Variants in PXDNL observed in about 807,000 individuals in gnomAD.
PXDNL encodes the protein probable oxidoreductase PXDNL.
A neutral mutation model predicts 150.8 loss-of-function variants in PXDNL; 145 were observed. The observed-to-expected ratio is 0.96, with a 90% CI of 0.84 to 1.10. The LOEUF is 1.10. PXDNL is among the 50% of genes least tolerant of loss of function. The pLI, the probability that PXDNL is intolerant of heterozygous loss-of-function variation, is 0.00. For missense variants in PXDNL, 2,087 were observed against 1,873.9 expected (o/e 1.11, Z -2.10); for synonymous variants, 757 against 725.7 (o/e 1.04, Z -0.69).
At chr8:51,767,091 T>G (rs2037239990) in intron 1 of PXDNL, among the ~76,000 whole-genome samples, 2 of 152,166 alleles carry the variant, frequency 1.3e-5, no homozygotes, top group Non-Finnish European at 2.9e-5. Context: ...TCTTTAGATA[T>G]AATTTCCTTT....
At chr8:51,584,183 G>C (rs78546733) in intron 3 of PXDNL, among the ~76,000 whole-genome samples, 1 of 152,126 alleles carries the variant, frequency 6.6e-6, no homozygotes, top group African/African-American at 2.4e-5. Context: ...ATGACAATCA[G>C]GATGCTTGAT....
At chr8:51,649,386 T>C (rs1191700815) in intron 2 of PXDNL, among the ~76,000 whole-genome samples, 1 of 152,234 alleles carries the variant, frequency 6.6e-6, no homozygotes, top group Non-Finnish European at 1.5e-5. Flanking sequence ...TAACCTGTAA[T>C]TATAACAATT....
chr8:51,532,023 G>A lies in PXDNL; in HGVS notation c.380+24817C>T, dbSNP rs148259080. On this transcript the variant is annotated intron_variant, in intron 4 of 22. Transcript: ENST00000356297. Reference sequence around the variant, plus strand: ...ATTTTGCTACAACAGCTTGCAAATCGTTGTGATGGCTTCTTGTGTAGATCA... The same window carrying A: ...ATTTTGCTACAACAGCTTGCAAATCATTGTGATGGCTTCTTGTGTAGATCA... Among the ~76,000 whole-genome samples, 12 of 152,196 alleles carry A rather than the reference G, an allele frequency of 7.9e-5. No homozygotes were observed. In the East Asian group the frequency reaches 1.7e-3, roughly 22 times the overall value.
At chr8:51,667,507 A>G (rs2130823233) in intron 1 of PXDNL, among the ~76,000 whole-genome samples, 1 of 152,244 alleles carries the variant, frequency 6.6e-6, no homozygotes, top group African/African-American at 2.4e-5. Flanking sequence ...TTCTTCACCA[A>G]TTTGATATTT....
intron 2 of PXDNL, among the ~76,000 whole-genome samples, chr8:51,596,780 AG>A (rs1368429721): frequency 6.6e-6 from 1 of 151,986 alleles, no homozygotes; most frequent in Admixed American, 6.6e-5. Flanking sequence ...CAATTGTTTA[AG>A]TTCCTTAAAG....
chr8:51,695,190 C>T (rs1816089034), intron 1 of PXDNL, among the ~76,000 whole-genome samples: 1 of 152,122 alleles, frequency 6.6e-6, no homozygotes, highest in South Asian at 2.1e-4. Context: ...ATCATAGTTC[C>T]CTTTACTTCC....
chr8:51,760,924 TCTCAG>T (rs1585729561), intron 1 of PXDNL, among the ~76,000 whole-genome samples: 1 of 132,594 alleles, frequency 7.5e-6, no homozygotes, highest in East Asian at 2.5e-4. Context: ...AGTGGCGCGA[TCTCAG>T]CTCACTGCAA....
At chr8:51,547,695 GC>G (rs1432098492) in intron 4 of PXDNL, among the ~76,000 whole-genome samples, 2 of 152,146 alleles carry the variant, frequency 1.3e-5, no homozygotes, top group Non-Finnish European at 2.9e-5. Context: ...CTGAACAGCA[GC>G]CCTTGAGTCC....
intron 12 of PXDNL, among the ~76,000 whole-genome samples, chr8:51,437,627 A>G (rs1809438915): frequency 6.6e-6 from 1 of 152,246 alleles, no homozygotes; most frequent in African/African-American, 2.4e-5. Context: ...AGCATTTGAC[A>G]AAATCCAGCA....
intron 17 of PXDNL, among the ~76,000 whole-genome samples, chr8:51,402,643 T>C (rs1323553196): frequency 6.6e-6 from 1 of 152,210 alleles, no homozygotes; most frequent in Non-Finnish European, 1.5e-5. Flanking sequence ...CAGTATTATA[T>C]TTTCAAAAGA....
chr8:51,350,376 T>TTTGG (rs1806310577), intron 19 of PXDNL, among the ~76,000 whole-genome samples: 1 of 144,298 alleles, frequency 6.9e-6, no homozygotes, highest in Non-Finnish European at 1.5e-5. Context: ...TTTTTTTTTT[T>TTTGG]GAGAGGGAGT....
intron 1 of PXDNL, among the ~76,000 whole-genome samples, chr8:51,757,220 A>C (rs2037111652): frequency 6.6e-6 from 1 of 152,190 alleles, no homozygotes; most frequent in Non-Finnish European, 1.5e-5. Context: ...TTGAACTTAA[A>C]ATAAGGGTCA....
chr8:51,407,443 T>TA (rs1412699357), intron 17 of PXDNL, among the ~76,000 whole-genome samples: 2 of 151,972 alleles, frequency 1.3e-5, no homozygotes, highest in African/African-American at 4.8e-5. Context: ...AAACTGTTTT[T>TA]AAAAAAATAT....
At chr8:51,683,000 T>A (rs1815786764) in intron 1 of PXDNL, among the ~76,000 whole-genome samples, 1 of 151,722 alleles carries the variant, frequency 6.6e-6, no homozygotes, top group Non-Finnish European at 1.5e-5. Context: ...TCATTTTTGA[T>A]AAATATTCAG....
chr8:51,634,774 G>A lies in PXDNL; in HGVS notation c.236+19915C>T, dbSNP rs531160255. ...GGATTGCACTCTTGATATGGCTCCC[G>A]GTTTGAACATTATTAGTGTATAGAA... is the stretch of plus-strand genomic sequence containing the variant. On this transcript the variant is annotated intron_variant, in intron 2 of 22. Transcript: ENST00000356297. Among the ~76,000 whole-genome samples, 108 of 151,920 alleles carry A rather than the reference G, an allele frequency of 7.1e-4. 1 individual carries two copies. The highest frequency in any genetic ancestry group is 1.5e-3 in the Admixed American group (23 of 15,238).
At chr8:51,395,993 T>G (rs954908713) in intron 17 of PXDNL, among the ~76,000 whole-genome samples, 3 of 152,208 alleles carry the variant, frequency 2.0e-5, no homozygotes, top group African/African-American at 7.2e-5. Context: ...TCTAAGATTA[T>G]AGCTAATTTA....
intron 1 of PXDNL, among the ~76,000 whole-genome samples, chr8:51,689,806 T>A (rs1180606992): frequency 6.6e-6 from 1 of 152,224 alleles, no homozygotes; most frequent in Non-Finnish European, 1.5e-5. Flanking sequence ...AAGAATGACG[T>A]TCCACTGAGG....
chr8:51,680,979 T>C (rs1434055810), intron 1 of PXDNL, among the ~76,000 whole-genome samples: 1 of 48,930 alleles, frequency 2.0e-5, no homozygotes, highest in Non-Finnish European at 3.7e-5. Context: ...GAAAAGTCAG[T>C]GGGACATGTT....
At chr8:51,805,312 T>C (rs140804779) in intron 1 of PXDNL, among the ~76,000 whole-genome samples, 110 of 149,354 alleles carry the variant, frequency 7.4e-4, no homozygotes, top group African/African-American at 2.3e-3. Context: ...ATTTTATATA[T>C]ACATATATAT....
Sources: gnomAD v4.1 joint callset for allele counts (sites outside exome capture counted in the v4.1 genomes callset) on GRCh38, gnomAD v4.1.1 for gene constraint, MANE v1.5 for transcripts, NCBI Gene and HGNC (gene_info 2026-07-23, HGNC 2026-07-21) for gene names.